Variants in ZDHHC14 observed in about 807,000 individuals in gnomAD.
The protein encoded by ZDHHC14 is zDHHC palmitoyltransferase 14.
In ZDHHC14, 16 loss-of-function variants were observed where a neutral mutation model predicts 47.7. The observed-to-expected ratio is 0.34, with a 90% CI of 0.23 to 0.51. The LOEUF is 0.51. Ranked by LOEUF, ZDHHC14 falls within the 20% of genes least tolerant of loss-of-function variation. ZDHHC14 has a pLI of 0.97. For missense variants in ZDHHC14, 515 were observed against 662.5 expected (o/e 0.78, Z 2.44); for synonymous variants, 293 against 278.9 (o/e 1.05, Z -0.50).
rs1263156627 is a variant in ZDHHC14, at chr6:157,616,463, C to G, written c.566-11886C>G. ...TTAGGTCCACAAGTGTCCAGGGGGT[C>G]AGCTCACCCCAGGGAGATGCCAGGC... On this transcript the variant is annotated intron_variant, in intron 3 of 8. Coordinates refer to ENST00000359775, the MANE Select transcript of ZDHHC14 (RefSeq NM_024630.3). Among the ~76,000 whole-genome samples, 4 of 152,242 alleles carry G rather than the reference C, an allele frequency of 2.6e-5. No homozygotes were observed. The East Asian group carries it at 7.7e-4, about 29-fold the overall frequency.
intron 1 of ZDHHC14, among the ~76,000 whole-genome samples, chr6:157,447,991 C>T (rs1778720228): frequency 6.6e-6 from 1 of 152,088 alleles, no homozygotes; most frequent in Admixed American, 6.5e-5. Flanking sequence ...CCTGCCTTAG[C>T]CTTCTGAGTA....
chr6:157,647,478 C>CAAAGTGGT, intron 7 of ZDHHC14, 110 bp downstream of exon 7: 1 of 691,056 alleles, frequency 1.4e-6, no homozygotes, highest in Non-Finnish European at 2.5e-6. Context: ...CACCACGTGA[C>CAAAGTGGT]CACTTTGTGC....
intron 3 of ZDHHC14, among the ~76,000 whole-genome samples, chr6:157,622,301 A>G (rs1785228382): frequency 6.6e-6 from 1 of 151,686 alleles, no homozygotes; most frequent in Non-Finnish European, 1.5e-5. Flanking sequence ...GAGGCAGGAG[A>G]TATCGCTTGA....
chr6:157,420,316 G>C (rs766988665), intron 1 of ZDHHC14, among the ~76,000 whole-genome samples: 1 of 149,788 alleles, frequency 6.7e-6, no homozygotes, highest in African/African-American at 2.5e-5. Context: ...TGAGAGGAGA[G>C]AAGGTATAGT....
At chr6:157,618,247 C>T (rs1044368972) in intron 3 of ZDHHC14, among the ~76,000 whole-genome samples, 2 of 152,032 alleles carry the variant, frequency 1.3e-5, no homozygotes, top group African/African-American at 2.4e-5. Flanking sequence ...GTTTCACAAA[C>T]GACAGGTGGA....
At chr6:157,589,472 T>A (rs1025217455) in intron 2 of ZDHHC14, among the ~76,000 whole-genome samples, 7 of 152,152 alleles carry the variant, frequency 4.6e-5, no homozygotes, top group Admixed American at 3.9e-4. Flanking sequence ...CCATGTGTCA[T>A]GGGAGGGACC....
chr6:157,576,560 G>A (rs774594247), intron 2 of ZDHHC14, among the ~76,000 whole-genome samples: 2 of 152,154 alleles, frequency 1.3e-5, no homozygotes, highest in African/African-American at 2.4e-5. Context: ...TACAGAGCAC[G>A]ACTAAAATGA....
At chr6:157,407,868 T>C (rs1777797806) in intron 1 of ZDHHC14, among the ~76,000 whole-genome samples, 1 of 152,212 alleles carries the variant, frequency 6.6e-6, no homozygotes, top group African/African-American at 2.4e-5. Context: ...GTCACCTGGC[T>C]AAGTAAACTT....
At chr6:157,444,739 A>C (rs1266744905) in intron 1 of ZDHHC14, among the ~76,000 whole-genome samples, 1 of 151,472 alleles carries the variant, frequency 6.6e-6, no homozygotes, top group Non-Finnish European at 1.5e-5. Flanking sequence ...CACTTTTCCC[A>C]CCTCAGTTGC....
chr6:157,590,236 A>G (rs1199697346), intron 2 of ZDHHC14, among the ~76,000 whole-genome samples: 1 of 152,254 alleles, frequency 6.6e-6, no homozygotes, highest in African/African-American at 2.4e-5. Flanking sequence ...AGAAATTTAC[A>G]TAAGAAACAA....
At chr6:157,443,708 A>G (rs1189620450) in intron 1 of ZDHHC14, among the ~76,000 whole-genome samples, 3 of 152,236 alleles carry the variant, frequency 2.0e-5, no homozygotes, top group Non-Finnish European at 4.4e-5. Context: ...CTAGCTGCAC[A>G]TGGATATTCA....
intron 1 of ZDHHC14, among the ~76,000 whole-genome samples, chr6:157,416,972 GTTT>G (rs71027335): frequency 6.3e-3 from 287 of 45,526 alleles, no homozygotes; most frequent in African/African-American, 0.029. Flanking sequence ...TGCCTGGCTA[GTTT>G]TTTTTTTTTT....
chr6:157,559,032 T>C (rs1782594717), intron 2 of ZDHHC14, among the ~76,000 whole-genome samples: 1 of 152,212 alleles, frequency 6.6e-6, no homozygotes, highest in Non-Finnish European at 1.5e-5. Context: ...AATGAGCTTT[T>C]TCAAGCTCCC....
At chr6:157,558,935 T>A (rs113779183) in intron 2 of ZDHHC14, among the ~76,000 whole-genome samples, 4 of 151,488 alleles carry the variant, frequency 2.6e-5, no homozygotes, top group Non-Finnish European at 4.4e-5. Flanking sequence ...GGAGGGTGGA[T>A]TTCCCCCCAG....
At chr6:157,536,698 C>A (rs1781553453) in intron 1 of ZDHHC14, among the ~76,000 whole-genome samples, 1 of 152,006 alleles carries the variant, frequency 6.6e-6, no homozygotes, top group South Asian at 2.1e-4. Context: ...AGTCTCTAAA[C>A]ATGAATATAG....
In ZDHHC14 at chr6:157,632,854, C is replaced by G; in HGVS notation, c.724C>G (p.Leu242Val). Residue 242 changes from leucine to valine, a missense_variant, in exon 5 of 9, where the codon CTA becomes GTA. Physicochemically the swap from Leu to Val is conservative, Grantham distance 32. This residue lies in a region of ZDHHC14 where 229 missense variants were observed against 351.5 expected (regional missense o/e 0.65). Transcript: ENST00000359775. The part of the protein sequence containing the change: ...VILRSQQTGF[L>V]NALKDSPASV... The stretch of plus-strand genomic sequence containing the variant: ...CACAGGTTCACAGCAAACAGGATTC[C>G]TAAATGCCCTTAAGGACAGTCCTGC... 1 of 1,614,150 alleles carries G rather than the reference C, an allele frequency of 6.2e-7. No individual in the cohort carries two copies. The highest frequency in any genetic ancestry group is 8.5e-7 in the Non-Finnish European group (1 of 1,180,008).
intron 1 of ZDHHC14, among the ~76,000 whole-genome samples, chr6:157,513,716 T>C (rs1780577625): frequency 2.0e-5 from 3 of 152,240 alleles, no homozygotes; most frequent in Non-Finnish European, 4.4e-5. Context: ...GATATGATTG[T>C]CACCGCTTTT....
chr6:157,391,005 C>T (rs1317971362), intron 1 of ZDHHC14, among the ~76,000 whole-genome samples: 1 of 152,030 alleles, frequency 6.6e-6, no homozygotes, highest in Non-Finnish European at 1.5e-5. Flanking sequence ...TTTCAGGCCA[C>T]TAGTGTGTGT....
At chr6:157,597,885 T>C (rs1361726956) in intron 3 of ZDHHC14, among the ~76,000 whole-genome samples, 1 of 152,274 alleles carries the variant, frequency 6.6e-6, no homozygotes, top group South Asian at 2.1e-4. Flanking sequence ...AGGCGCCCTC[T>C]GCAGGGACTC....
Sources: gnomAD v4.1 joint callset for allele counts (sites outside exome capture counted in the v4.1 genomes callset) on GRCh38, gnomAD v4.1.1 for gene constraint, gnomAD v4.1.1 regional missense constraint, MANE v1.5 for transcripts, NCBI Gene and HGNC (gene_info 2026-07-23, HGNC 2026-07-21) for gene names.